Variants in LINGO2 observed in about 807,000 individuals in gnomAD.
The protein encoded by LINGO2 is leucine rich repeat and Ig domain containing 2.
Under a neutral mutation model 30.6 loss-of-function variants are expected in LINGO2, and 14 were observed. The ratio of observed to expected loss-of-function variants is 0.46; its 90% CI spans 0.30 to 0.72. The LOEUF is 0.72. LINGO2 is among the 30% of genes least tolerant of loss of function. The pLI is 0.07. For missense variants in LINGO2, 729 were observed against 751.7 expected (o/e 0.97, Z 0.35); for synonymous variants, 317 against 288.5 (o/e 1.10, Z -1.00).
chr9:27,991,188 C>T (rs1232962715), intron 5 of LINGO2, among the ~76,000 whole-genome samples: 2 of 152,006 alleles, frequency 1.3e-5, no homozygotes, highest in Non-Finnish European at 2.9e-5. Context: ...TTCAGGTACT[C>T]ACACTACTAC....
chr9:28,420,019 G>A (rs1014093751), intron 2 of LINGO2, among the ~76,000 whole-genome samples: 1 of 151,990 alleles, frequency 6.6e-6, no homozygotes, highest in African/African-American at 2.4e-5. Flanking sequence ...GTTTGGCAGT[G>A]CTATAGTATA....
At chr9:28,390,292 T>G (rs1360707262) in intron 2 of LINGO2, among the ~76,000 whole-genome samples, 5 of 152,314 alleles carry the variant, frequency 3.3e-5, no homozygotes, top group Non-Finnish European at 7.3e-5. Context: ...AGCACAAACA[T>G]GTTTAGAGTT....
At chr9:29,049,766 CAT>C in the LINGO2 span, among the ~76,000 whole-genome samples, 3 of 151,956 alleles carry the variant, frequency 2.0e-5, no homozygotes, top group Non-Finnish European at 4.4e-5. Flanking sequence ...TACTCATTAA[CAT>C]AGAGTAGAAG....
At chr9:28,081,512 G>A (rs575068469) in intron 4 of LINGO2, among the ~76,000 whole-genome samples, 1 of 152,150 alleles carries the variant, frequency 6.6e-6, no homozygotes, top group Admixed American at 6.6e-5. Context: ...AACATTAAAA[G>A]AAGAAAGGTA....
At chr9:28,803,027 G>A in the LINGO2 span, among the ~76,000 whole-genome samples, 2 of 152,016 alleles carry the variant, frequency 1.3e-5, no homozygotes, top group South Asian at 4.1e-4. Flanking sequence ...AAGACTCTGG[G>A]AAAGAGAAAC....
the LINGO2 span, among the ~76,000 whole-genome samples, chr9:29,162,358 G>A: frequency 6.6e-6 from 1 of 152,158 alleles, no homozygotes; most frequent in African/African-American, 2.4e-5. Flanking sequence ...TACCAAGGAA[G>A]CCACTTTATG....
At chr9:28,656,465 G>A (rs1588034486) in intron 1 of LINGO2, among the ~76,000 whole-genome samples, 1 of 151,974 alleles carries the variant, frequency 6.6e-6, no homozygotes, top group African/African-American at 2.4e-5. Flanking sequence ...TATGATGCAA[G>A]GAGAATATGA....
intron 1 of LINGO2, among the ~76,000 whole-genome samples, chr9:28,573,228 A>G (rs374189975): frequency 8.8e-4 from 134 of 152,310 alleles, no homozygotes; most frequent in African/African-American, 3.1e-3. Flanking sequence ...GGTTTCAGCA[A>G]TTATTTAATA....
chr9:28,567,324 C>T (rs1178645424), intron 1 of LINGO2, among the ~76,000 whole-genome samples: 2 of 152,056 alleles, frequency 1.3e-5, no homozygotes, highest in Admixed American at 6.5e-5. Flanking sequence ...ATTGTTTTAT[C>T]AAAAAGACAC....
intron 4 of LINGO2, among the ~76,000 whole-genome samples, chr9:28,238,063 A>C (rs1033142525): frequency 6.6e-6 from 1 of 152,122 alleles, no homozygotes; most frequent in Admixed American, 6.5e-5. Context: ...TCCATTAGTC[A>C]ATTCGGCATA....
At chr9:29,144,466 A>T in the LINGO2 span, among the ~76,000 whole-genome samples, 7 of 152,092 alleles carry the variant, frequency 4.6e-5, no homozygotes, top group African/African-American at 9.7e-5. Flanking sequence ...TGGAAAAAAA[A>T]ATATACTGGA....
chr9:28,807,599 T>C, the LINGO2 span, among the ~76,000 whole-genome samples: 1 of 152,214 alleles, frequency 6.6e-6, no homozygotes, highest in South Asian at 2.1e-4. Flanking sequence ...GGCATGCATT[T>C]AAAATAGAAG....
chr9:28,940,113 C>T, the LINGO2 span, among the ~76,000 whole-genome samples: 118,680 of 152,100 alleles, frequency 0.78, 46,601 homozygotes, highest in Admixed American at 0.83. Flanking sequence ...CCTCTTATTA[C>T]TGATTATTGC....
the LINGO2 span, among the ~76,000 whole-genome samples, chr9:28,878,609 A>G: frequency 4.6e-5 from 7 of 152,230 alleles, no homozygotes; most frequent in African/African-American, 1.7e-4. Context: ...GGCAAACCGA[A>G]TCCAGCAGAA....
chr9:28,845,157 A>C, the LINGO2 span, among the ~76,000 whole-genome samples: 1 of 151,894 alleles, frequency 6.6e-6, no homozygotes, highest in Non-Finnish European at 1.5e-5. Context: ...CATTTACGGT[A>C]GGAAAAAATG....
chr9:28,236,372 A>C (rs900910565), intron 4 of LINGO2, among the ~76,000 whole-genome samples: 7 of 152,196 alleles, frequency 4.6e-5, no homozygotes, highest in African/African-American at 1.2e-4. Context: ...AGCAAGAATA[A>C]ATTATCTAAA....
chr9:28,092,161 A>G (rs1169489477), intron 4 of LINGO2, among the ~76,000 whole-genome samples: 1 of 152,186 alleles, frequency 6.6e-6, no homozygotes, highest in Non-Finnish European at 1.5e-5. Flanking sequence ...ATCTAGAACT[A>G]GAAATACCAT....
At chr9:28,420,414 A>T (rs1367565681) in intron 2 of LINGO2, among the ~76,000 whole-genome samples, 1 of 151,956 alleles carries the variant, frequency 6.6e-6, no homozygotes, top group East Asian at 1.9e-4. Flanking sequence ...TGGCTCACTA[A>T]AAGACTTGCT....
the LINGO2 span, among the ~76,000 whole-genome samples, chr9:28,744,026 C>A: frequency 4.1e-3 from 613 of 151,046 alleles, 18 homozygotes; most frequent in East Asian, 0.055. Flanking sequence ...ATTTCATAAT[C>A]TTTAATGATT....
Sources: allele counts gnomAD v4.1 joint callset (sites outside exome capture counted in the v4.1 genomes callset), GRCh38; gene constraint gnomAD v4.1.1; transcripts MANE v1.5; gene names NCBI Gene and HGNC (gene_info 2026-07-23, HGNC 2026-07-21).